Variants in MSH3 observed in about 807,000 individuals in gnomAD.
MSH3 encodes DNA mismatch repair protein Msh3.
MSH3 carries 106 observed loss-of-function variants against 123.3 expected under a neutral mutation model. That is an observed-to-expected ratio of 0.86 (90% CI 0.73 to 1.01). The LOEUF is 1.01. MSH3 is among the 50% of genes least tolerant of loss of function. The probability of loss-of-function intolerance (pLI) is 0.00; values close to 1 mark genes in which losing one functional copy is unlikely to be tolerated. For missense variants in MSH3, 1,459 were observed against 1,347.6 expected (o/e 1.08, Z -1.29); for synonymous variants, 515 against 481.4 (o/e 1.07, Z -0.91).
At chr5:80,783,623 A>G (rs1744447079) in intron 17 of MSH3, among the ~76,000 whole-genome samples, 1 of 152,142 alleles carries the variant, frequency 6.6e-6, no homozygotes, top group Admixed American at 6.6e-5. Context: ...CCATCTTAAG[A>G]ATTAGATCAT....
chr5:80,840,711 C>T (rs1369857176), intron 20 of MSH3, among the ~76,000 whole-genome samples: 1 of 151,520 alleles, frequency 6.6e-6, no homozygotes, highest in South Asian at 2.1e-4. Context: ...TCGTCATTTA[C>T]GTTAGGTATT....
intron 13 of MSH3, among the ~76,000 whole-genome samples, chr5:80,766,635 G>T (rs1389379074): frequency 6.6e-6 from 1 of 151,966 alleles, no homozygotes; most frequent in Non-Finnish European, 1.5e-5. Flanking sequence ...GAGTCACTGC[G>T]TCTGGCTGGT....
At position 80,801,499 on chromosome 5, in the gene MSH3, G is replaced by C. The variant is rs6151869; in HGVS notation, c.2655+8655G>C. ...TACAAATATTTGAGTTTAGTGGGTT[G>C]AACACATTTAACTTCTAAAGCCTTG... On this transcript the variant is annotated intron_variant, in intron 19 of 23. Coordinates refer to ENST00000265081, the MANE Select transcript of MSH3 (RefSeq NM_002439.5). Among the ~76,000 whole-genome samples the C allele has an allele frequency of 9.4e-3, 1,426 of 152,252 alleles. 23 individuals are homozygous for C. The highest frequency in any genetic ancestry group is 0.032 in the African/African-American group (1,349 of 41,548).
At chr5:80,810,553 CTG>C (rs892478611) in intron 19 of MSH3, among the ~76,000 whole-genome samples, 5 of 152,100 alleles carry the variant, frequency 3.3e-5, no homozygotes, top group Admixed American at 3.3e-4. Flanking sequence ...GTTGAAAAGA[CTG>C]TCCTTTGTCT....
intron 20 of MSH3, among the ~76,000 whole-genome samples, chr5:80,851,878 A>G (rs1222072937): frequency 6.6e-6 from 1 of 152,212 alleles, no homozygotes; most frequent in African/African-American, 2.4e-5. Context: ...CCTCTGTCAT[A>G]TACAAAATGT....
chr5:80,761,886 A>G (rs1222570865), intron 13 of MSH3, among the ~76,000 whole-genome samples: 1 of 152,174 alleles, frequency 6.6e-6, no homozygotes, highest in Non-Finnish European at 1.5e-5. Context: ...AAGTTTTCTC[A>G]TGTGCCTTAA....
At chr5:80,688,995 T>C (rs1750165421) in intron 8 of MSH3, among the ~76,000 whole-genome samples, 1 of 152,060 alleles carries the variant, frequency 6.6e-6, no homozygotes, top group African/African-American at 2.4e-5. Context: ...TACCAAACAG[T>C]GGGTAGCATA....
intron 8 of MSH3, among the ~76,000 whole-genome samples, chr5:80,710,512 TAAAAC>T: frequency 6.6e-6 from 1 of 152,336 alleles, no homozygotes; most frequent in Admixed American, 6.5e-5. Context: ...CATCTGTGCT[TAAAAC>T]AAAGCAGCTT....
At chr5:80,837,538 A>G (rs908088845) in intron 20 of MSH3, among the ~76,000 whole-genome samples, 3 of 152,128 alleles carry the variant, frequency 2.0e-5, no homozygotes, top group African/African-American at 7.2e-5. Flanking sequence ...AGATCGTACC[A>G]TTGTACTCCA....
intron 19 of MSH3, among the ~76,000 whole-genome samples, chr5:80,806,591 T>G (rs1266520672): frequency 6.6e-6 from 1 of 152,224 alleles, no homozygotes; most frequent in African/African-American, 2.4e-5. Context: ...AGTGTTTGTG[T>G]GCAAGCCAGA....
At chr5:80,721,173 T>C (rs966490253) in intron 8 of MSH3, among the ~76,000 whole-genome samples, 4 of 152,236 alleles carry the variant, frequency 2.6e-5, no homozygotes, top group African/African-American at 9.6e-5. Context: ...TTGAGGTTCA[T>C]TTTGCTGCAT....
chr5:80,655,554 C>T (rs529751752), intron 1 of MSH3: 44 of 191,262 alleles, frequency 2.3e-4, no homozygotes, highest in Non-Finnish European at 3.3e-4. Context: ...TGGAGTCCTT[C>T]CTGTTGCCAT....
At chr5:80,692,632 G>A (rs1561445214) in intron 8 of MSH3, among the ~76,000 whole-genome samples, 1 of 137,644 alleles carries the variant, frequency 7.3e-6, no homozygotes, top group South Asian at 2.3e-4. Context: ...ACATGTATAT[G>A]TTTATATATG....
At chr5:80,833,663 G>C (rs927059479) in intron 20 of MSH3, among the ~76,000 whole-genome samples, 11 of 152,152 alleles carry the variant, frequency 7.2e-5, no homozygotes, top group Admixed American at 5.9e-4. Flanking sequence ...GGATGGTCTC[G>C]ATCACTTGAC....
intron 8 of MSH3, among the ~76,000 whole-genome samples, chr5:80,712,547 G>A (rs1420861375): frequency 6.6e-6 from 1 of 151,944 alleles, no homozygotes; most frequent in Non-Finnish European, 1.5e-5. Flanking sequence ...TAACCTTTCT[G>A]AATTACTTTG....
At chr5:80,835,138 T>A (rs1327731285) in intron 20 of MSH3, among the ~76,000 whole-genome samples, 2 of 152,184 alleles carry the variant, frequency 1.3e-5, no homozygotes, top group African/African-American at 4.8e-5. Context: ...GAGAAAGAAA[T>A]GACCAAATTC....
chr5:80,828,781 C>CA (rs1745366884), intron 20 of MSH3, among the ~76,000 whole-genome samples: 1 of 152,176 alleles, frequency 6.6e-6, no homozygotes, highest in South Asian at 2.1e-4. Context: ...CTTGAGGCTC[C>CA]AGAGTAATCT....
At chr5:80,852,505 C>G (rs1478989571) in intron 20 of MSH3, among the ~76,000 whole-genome samples, 2 of 152,152 alleles carry the variant, frequency 1.3e-5, no homozygotes, top group African/African-American at 4.8e-5. Context: ...CAGGGTGAAC[C>G]ATTGTGATTC....
intron 8 of MSH3, among the ~76,000 whole-genome samples, chr5:80,688,173 G>A (rs913459751): frequency 1.3e-5 from 2 of 152,188 alleles, no homozygotes; most frequent in Non-Finnish European, 2.9e-5. Flanking sequence ...AGAATGTCCT[G>A]TGGTACCACA....
Sources: allele counts gnomAD v4.1 joint callset (sites outside exome capture counted in the v4.1 genomes callset), GRCh38; gene constraint gnomAD v4.1.1; transcripts MANE v1.5; gene names NCBI Gene and HGNC (gene_info 2026-07-23, HGNC 2026-07-21).